The following MARCHF1 variants were observed in gnomAD, a reference collection of about 807,000 sequenced individuals.
MARCHF1 encodes the protein membrane associated ring-CH-type finger 1.
In MARCHF1, 40 loss-of-function variants were observed where a neutral mutation model predicts 54.2. That is an observed-to-expected ratio of 0.74 (90% CI 0.57 to 0.96). The LOEUF is 0.96. Ranked by LOEUF, MARCHF1 falls within the 40% of genes least tolerant of loss-of-function variation. The pLI, the probability that MARCHF1 is intolerant of heterozygous loss-of-function variation, is 0.00. For missense variants in MARCHF1, 586 were observed against 656.5 expected, an observed-to-expected ratio of 0.89 and a Z score of 1.17; for synonymous variants, 236 against 236.3, an observed-to-expected ratio of 1.00 and a Z score of 0.01.
At chr4:164,205,794 C>A (rs1456862453) in intron 1 of MARCHF1, among the ~76,000 whole-genome samples, 1 of 151,908 alleles carries the variant, frequency 6.6e-6, no homozygotes, top group Non-Finnish European at 1.5e-5. Flanking sequence ...ATCTCTACAA[C>A]CATAAAAAAT....
chr4:164,185,384 C>T (rs1479372293), intron 1 of MARCHF1, among the ~76,000 whole-genome samples: 2 of 152,128 alleles, frequency 1.3e-5, no homozygotes, highest in African/African-American at 4.8e-5. Flanking sequence ...TATCCAATAA[C>T]TTCATTTGGA....
chr4:164,327,041 G>A (rs1348155448), intron 1 of MARCHF1, among the ~76,000 whole-genome samples: 1 of 146,504 alleles, frequency 6.8e-6, no homozygotes, highest in Admixed American at 6.8e-5. Flanking sequence ...AGTACTAGTA[G>A]GTGTTAGCTA....
chr4:163,733,034 C>G (rs1180416528), intron 4 of MARCHF1, among the ~76,000 whole-genome samples: 1 of 150,200 alleles, frequency 6.7e-6, no homozygotes, highest in Non-Finnish European at 1.5e-5. Flanking sequence ...TGCCTGTAAT[C>G]CCAGCTACTC....
chr4:163,850,935 C>A (rs1396649800), intron 4 of MARCHF1, among the ~76,000 whole-genome samples: 1 of 152,078 alleles, frequency 6.6e-6, no homozygotes, highest in Non-Finnish European at 1.5e-5. Flanking sequence ...CTGGCTTCTT[C>A]TAAAGCCCAA....
intron 1 of MARCHF1, among the ~76,000 whole-genome samples, chr4:164,312,139 A>C (rs1734864560): frequency 6.6e-6 from 1 of 152,082 alleles, no homozygotes; most frequent in Non-Finnish European, 1.5e-5. Context: ...ATCTTCCAAG[A>C]ATTCTCATGT....
chr4:163,873,404 G>C (rs1483304103), intron 3 of MARCHF1, among the ~76,000 whole-genome samples: 1 of 152,168 alleles, frequency 6.6e-6, no homozygotes, highest in African/African-American at 2.4e-5. Context: ...TCTCATCAGA[G>C]CCCTCTGGTT....
At chr4:163,753,468 A>G (rs945327989) in intron 4 of MARCHF1, among the ~76,000 whole-genome samples, 2 of 152,062 alleles carry the variant, frequency 1.3e-5, no homozygotes, top group African/African-American at 4.8e-5. Flanking sequence ...TTTAATCACC[A>G]CAGCTCCATT....
intron 4 of MARCHF1, among the ~76,000 whole-genome samples, chr4:163,779,836 A>C (rs1263207712): frequency 2.0e-5 from 3 of 152,100 alleles, no homozygotes; most frequent in Non-Finnish European, 4.4e-5. Context: ...AGAAAAAAAA[A>C]CCCCTATTAC....
intron 1 of MARCHF1, among the ~76,000 whole-genome samples, chr4:164,347,830 A>G (rs901083330): frequency 6.6e-6 from 1 of 152,202 alleles, no homozygotes; most frequent in Non-Finnish European, 1.5e-5. Flanking sequence ...CAAAATGAAA[A>G]ATATCTATTT....
chr4:163,962,410 G>A (rs751872693), intron 3 of MARCHF1, among the ~76,000 whole-genome samples: 7 of 151,796 alleles, frequency 4.6e-5, no homozygotes, highest in Admixed American at 1.3e-4. Flanking sequence ...GTTTTAAGGT[G>A]GAGGTAGCTA....
chr4:163,981,046 G>C (rs2110867575), intron 3 of MARCHF1, among the ~76,000 whole-genome samples: 1 of 152,278 alleles, frequency 6.6e-6, no homozygotes, highest in East Asian at 1.9e-4. Flanking sequence ...AAACTGTATA[G>C]CTGGTGCCTC....
rs182449553 is a variant in MARCHF1 at position 164,099,791 on chromosome 4, T to A, written c.-248+11797A>T. On this transcript the variant is annotated intron_variant, in intron 2 of 9. Coordinates refer to ENST00000514618, the MANE Select transcript of MARCHF1 (RefSeq NM_001394959.1). ...TTCTCTGAGGTCATAATATCAAAAA[T>A]ATATGTATAAATGCCTTTAAAAGCT... Among the ~76,000 whole-genome samples the A allele has an allele frequency of 2.0e-3, 300 of 152,256 alleles. 1 individual carries two copies. Among genetic ancestry groups the A allele is most frequent in the African/African-American group, 7.0e-3 (293 of 41,570 alleles).
chr4:164,272,215 TATAGA>T (rs1733761095), intron 1 of MARCHF1, among the ~76,000 whole-genome samples: 1 of 151,966 alleles, frequency 6.6e-6, no homozygotes, highest in Non-Finnish European at 1.5e-5. Flanking sequence ...AATATTACAT[TATAGA>T]ATAAAGTTGT....
intron 2 of MARCHF1, among the ~76,000 whole-genome samples, chr4:164,106,018 C>T (rs1395687260): frequency 2.7e-5 from 4 of 150,442 alleles, no homozygotes; most frequent in Middle Eastern, 3.4e-3. Context: ...TGAAAAAATG[C>T]TCATCATCAC....
rs927088668 is a variant in MARCHF1, at chr4:164,294,639, G to A, written c.-323+89231C>T. ...AGAATATTTTTGCCATATTCTTATCGTCAATTAAGATATAAACATTGCACA... is the reference window on the plus strand; with the variant it reads ...AGAATATTTTTGCCATATTCTTATCATCAATTAAGATATAAACATTGCACA... On this transcript the variant is annotated intron_variant, in intron 1 of 9. Transcript: ENST00000514618. 2.0e-5 allele frequency among the ~76,000 whole-genome samples: 3 copies of A among 151,630 alleles called. 1 individual carries two copies. The highest frequency in any genetic ancestry group is 4.4e-5 in the Non-Finnish European group (3 of 67,994).
chr4:163,747,067 C>T (rs1243891142), intron 4 of MARCHF1, among the ~76,000 whole-genome samples: 9 of 152,158 alleles, frequency 5.9e-5, no homozygotes, highest in Admixed American at 2.6e-4. Context: ...ATGGTACCGT[C>T]GAATAGGAGA....
intron 8 of MARCHF1, chr4:163,584,683 C>T (rs1473077): frequency 0.93 from 140,983 of 152,308 alleles, 65,292 homozygotes; most frequent in Middle Eastern, 0.97. Flanking sequence ...TGATTCTCTC[C>T]CTCCACAATT....
intron 3 of MARCHF1, among the ~76,000 whole-genome samples, chr4:163,983,866 T>C (rs1208801151): frequency 6.6e-6 from 1 of 152,128 alleles, no homozygotes; most frequent in African/African-American, 2.4e-5. Flanking sequence ...ATGTAAGACT[T>C]GAGCCCAGAG....
At chr4:163,834,341 T>C (rs1231214835) in intron 4 of MARCHF1, among the ~76,000 whole-genome samples, 2 of 151,826 alleles carry the variant, frequency 1.3e-5, no homozygotes, top group African/African-American at 4.8e-5. Flanking sequence ...TTCCAAATAA[T>C]TTGGTGATAT....
Sources: allele counts gnomAD v4.1 joint callset (sites outside exome capture counted in the v4.1 genomes callset), GRCh38; gene constraint gnomAD v4.1.1; transcripts MANE v1.5; gene names NCBI Gene and HGNC (gene_info 2026-07-23, HGNC 2026-07-21).